TM2D3: variants seen among roughly 807,000 people sequenced by gnomAD.
TM2D3 encodes TM2 domain-containing protein 3.
TM2D3 carries 33 observed loss-of-function variants against 27.3 expected under a neutral mutation model. The ratio of observed to expected loss-of-function variants is 1.21; its 90% confidence interval spans 0.92 to 1.61. The LOEUF is 1.61. TM2D3 is among the 40% of genes most tolerant of loss of function. TM2D3 has a pLI of 0.00. For synonymous variants in TM2D3, 138 were observed against 122.2 expected (o/e 1.13, Z -0.85); for missense variants, 364 against 320.8 (o/e 1.13, Z -1.03).
intron 5 of TM2D3, among the ~76,000 whole-genome samples, chr15:101,644,072 C>G (rs1415779255): frequency 2.0e-5 from 3 of 152,158 alleles, no homozygotes; most frequent in African/African-American, 7.2e-5. Flanking sequence ...TCTTGAACTC[C>G]TGACCTCAAG....
In TM2D3 at chr15:101,642,208, G is replaced by A. The variant is rs1896685855; in HGVS notation, c.*271C>T. 1 of 1,110,960 alleles carries A rather than the reference G, an allele frequency of 9.0e-7. No individual in the cohort carries two copies. The highest frequency in any genetic ancestry group is 5.1e-5 in the East Asian group (1 of 19,608). 68.8% of individuals were successfully genotyped at this position (1,110,960 alleles called of 1,614,324 possible). ...GGGCAATACAAAACAAAAGTCATAG[G>A]AATTAAATGGATTTTCAATCACTGT... On this transcript the variant is annotated 3_prime_UTR_variant, in exon 6 of 6. Coordinates refer to ENST00000333202, the MANE Select transcript of TM2D3 (RefSeq NM_078474.3).
At chr15:101,646,436 T>TTGG in intron 4 of TM2D3, 1 of 182,672 alleles carries the variant, frequency 5.5e-6, no homozygotes, top group Non-Finnish European at 1.2e-5. Flanking sequence ...CGCAATGGTA[T>TTGG]TGGTGCTGCT....
chr15:101,641,378 C>T (rs1896664540), downstream of TM2D3, among the ~76,000 whole-genome samples: 1 of 152,142 alleles, frequency 6.6e-6, no homozygotes. Context: ...GGAACTGTCA[C>T]TCAACTAAGA....
At chr15:101,636,969 A>G (rs1389641859), downstream of TM2D3, 2 of 404,156 alleles carry the variant, frequency 4.9e-6, no homozygotes, top group Non-Finnish European at 9.9e-6. Context: ...TTCCGAACCA[A>G]ATATGAGTGA....
In TM2D3 at chr15:101,642,603, C is replaced by T. The variant is rs1163151180; in HGVS notation, c.620G>A (p.Gly207Asp). Reference sequence around the variant, plus strand: ...CTTGCCGAGGCCTTCCCGCCACTGGCCCAGGTAGAAACGGTCTGCTCCAAA... The same window carrying T: ...CTTGCCGAGGCCTTCCCGCCACTGGTCCAGGTAGAAACGGTCTGCTCCAAA... ...GGFGADRFYLGQWREGLGKLF... is the reference protein window; with the variant it reads ...GGFGADRFYLDQWREGLGKLF... The change falls in exon 6 of 6, where the codon GGC (glycine) becomes GAC (aspartate). Residue 207 changes from glycine to aspartate, a missense_variant. Gly to Asp is a moderately conservative substitution (Grantham distance 94). Transcript: ENST00000333202. 3 of 1,613,206 alleles carry T rather than the reference C, an allele frequency of 1.9e-6. No individual in the cohort carries two copies. The highest frequency in any genetic ancestry group is 2.2e-5 in the South Asian group (2 of 90,916).
At chr15:101,638,429 G>A (rs1896596969), downstream of TM2D3, among the ~76,000 whole-genome samples, 1 of 151,884 alleles carries the variant, frequency 6.6e-6, no homozygotes, top group South Asian at 2.1e-4. Flanking sequence ...TGAGTAGCTG[G>A]GATTACAGGC....
chr15:101,649,052 T>C (rs1317134072), intron 3 of TM2D3, among the ~76,000 whole-genome samples: 1 of 152,178 alleles, frequency 6.6e-6, no homozygotes, highest in Non-Finnish European at 1.5e-5. Flanking sequence ...AAAAAAAAAT[T>C]GCCAATCTAA....
At chr15:101,633,432 C>T (rs1194305131) in exon 5 of TM2D3, 9 of 394,416 alleles carry the variant, frequency 2.3e-5, no homozygotes, top group Admixed American at 4.3e-5. Context: ...GAGTCTTCTT[C>T]CAACCTCATC....
chr15:101,643,803 AT>A (rs1038212038), intron 5 of TM2D3, among the ~76,000 whole-genome samples: 4 of 152,000 alleles, frequency 2.6e-5, no homozygotes, highest in African/African-American at 9.7e-5. Flanking sequence ...ACATTTATTT[AT>A]TTTTTTAAAA....
At position 101,649,996 on chromosome 15, in the gene TM2D3, G is replaced by A. The variant is rs1004101728; in HGVS notation, c.327+8C>T. On this transcript the variant is annotated splice_region_variant and intron_variant, in intron 3 of 5. Transcript: ENST00000333202. ...ATTTATTTAGAATAAGTAAGCTGCA[G>A]TACTTACAACACAGGTAACAGATGG... 1.2e-6 allele frequency: 2 copies of A among 1,611,734 alleles called. No individual in the cohort carries two copies. Among genetic ancestry groups the A allele is most frequent in the African/African-American group, 1.3e-5 (1 of 74,822 alleles).
intron 1 of TM2D3, 113 bp from the exon 2 acceptor site, chr15:101,651,886 A>T: frequency 9.4e-7 from 1 of 1,066,930 alleles, no homozygotes; most frequent in Non-Finnish European, 1.5e-6. Flanking sequence ...GCTCATGAAA[A>T]CCTCACGGCT....
intron 2 of TM2D3, 81 bp downstream of exon 2, chr15:101,651,610 GTATAC>G: frequency 7.6e-7 from 1 of 1,310,408 alleles, no homozygotes; most frequent in Non-Finnish European, 1.1e-6. Context: ...AAGTGACTTC[GTATAC>G]TAAAGGGAAT....
At position 101,645,178 on chromosome 15, in the gene TM2D3, G is replaced by T; in HGVS notation, c.503-16C>A. 1 of 1,501,812 alleles carries T rather than the reference G, an allele frequency of 6.7e-7. No homozygotes were observed. The highest frequency in any genetic ancestry group is 2.3e-5 in the East Asian group (1 of 44,000). The allele number at this position is 1,501,812 out of a possible 1,614,324, so 93.0% of individuals were successfully genotyped here. A position where few individuals can be genotyped will look rare whatever the true frequency, so the allele number is the denominator to read the frequency against. On this transcript the variant is annotated splice_polypyrimidine_tract_variant and intron_variant, in intron 4 of 5. Transcript: ENST00000333202. ...GTACGGTTACCTTAAAAAAAAAAAA[G>T]AAAGAAAAATACAGGGTATAAAAAA...
Position 101,641,847 on chromosome 15 carries a change from AT to A in TM2D3, c.*631del, listed in dbSNP as rs1360717004. On this transcript the variant is annotated 3_prime_UTR_variant, in exon 6 of 6. Transcript: ENST00000333202. ...TTAATATAGAAAACAGGCCCACAGT[AT>A]TTCTTAACTTGCAATTTTATTAATT... The A allele has an allele frequency of 3.4e-6, 3 of 880,956 alleles. No homozygotes were observed. The East Asian group carries it at 3.6e-4, about 106-fold the overall frequency. 54.6% of individuals were successfully genotyped at this position (880,956 alleles called of 1,614,324 possible). A position where few individuals can be genotyped will look rare whatever the true frequency, so the allele number is the denominator to read the frequency against.
chr15:101,650,124 C>T lies in TM2D3; in HGVS notation c.207G>A (p.Pro69=), dbSNP rs755759493. ...TEIPPYVMKC[P]SNGLCSRLPA... is the part of the protein sequence containing the mutation. ...GAAGCCTGCTACACAAACCATTGCT[C>T]GGACACTTCATCACATAAGGTGGGA... is the stretch of plus-strand genomic sequence containing the variant. Residue 69 remains proline (P), a synonymous_variant, in exon 3 of 6, where the codon CCG becomes CCA. Coordinates refer to ENST00000333202, the MANE Select transcript of TM2D3 (RefSeq NM_078474.3). The T allele has an allele frequency of 4.3e-6, 7 of 1,613,858 alleles. No homozygotes were observed. In the South Asian group the frequency reaches 5.5e-5, roughly 13 times the overall value.
At position 101,647,953 on chromosome 15, in the gene TM2D3, G is replaced by A. The variant is rs148776564; in HGVS notation, c.328-1054C>T. 6.2e-4 allele frequency among the ~76,000 whole-genome samples: 94 copies of A among 151,698 alleles called. 1 individual carries two copies. In the East Asian group the frequency reaches 0.015, roughly 24 times the overall value. On this transcript the variant is annotated intron_variant, in intron 3 of 5. Transcript: ENST00000333202. ...CGCTCTGTCGCCCAGGCTGGAATGCGGTGGTGCAATCTCGGCTCACTTCAA... is the reference window on the plus strand; with the variant it reads ...CGCTCTGTCGCCCAGGCTGGAATGCAGTGGTGCAATCTCGGCTCACTTCAA...
rs1896689493 is a variant in TM2D3, at chr15:101,642,354, C to T, written c.*125G>A. On this transcript the variant is annotated 3_prime_UTR_variant, in exon 6 of 6. Transcript: ENST00000333202. ...AGCGTTTCATTTATCTTACCTTTAT[C>T]AAGGCAAACAAAGTACAGATGCTGT... The T allele has an allele frequency of 1.5e-6, 2 of 1,349,368 alleles. No individual in the cohort carries two copies. The highest frequency in any genetic ancestry group is 1.9e-6 in the Non-Finnish European group (2 of 1,046,614). 83.6% of individuals were successfully genotyped at this position (1,349,368 alleles called of 1,614,324 possible). A position where few individuals can be genotyped will look rare whatever the true frequency, so the allele number is the denominator to read the frequency against.
At chr15:101,650,296 T>G in intron 2 of TM2D3, 135 bp from the exon 3 acceptor site, 5 of 837,666 alleles carry the variant, frequency 6.0e-6, no homozygotes, top group Non-Finnish European at 8.9e-6. Flanking sequence ...GGGACTGGAG[T>G]CAGAGACACC....
chr15:101,639,598 T>C (rs2141358686), downstream of TM2D3, among the ~76,000 whole-genome samples: 1 of 152,058 alleles, frequency 6.6e-6, no homozygotes, highest in African/African-American at 2.4e-5. Context: ...TACAGAGAAA[T>C]GAAGTTGTGT....
Sources: gnomAD v4.1 joint callset for allele counts (sites outside exome capture counted in the v4.1 genomes callset) on GRCh38, gnomAD v4.1.1 for gene constraint, MANE v1.5 for transcripts, NCBI Gene and HGNC (gene_info 2026-07-23, HGNC 2026-07-21) for gene names.